MTMR1: variants seen among roughly 807,000 people sequenced by gnomAD.
MTMR1 encodes myotubularin related protein 1, also known as phosphatidylinositol-3-phosphate phosphatase MTMR1.
A neutral mutation model predicts 51.6 loss-of-function variants in MTMR1; 17 were observed. The observed-to-expected ratio is 0.33, with a 90% CI of 0.23 to 0.49. The LOEUF is 0.49. Ranked by LOEUF, MTMR1 falls within the 20% of genes least tolerant of loss-of-function variation. MTMR1 has a pLI of 0.99. For missense variants in MTMR1, 386 were observed against 526.9 expected (o/e 0.73, Z 2.62); for synonymous variants, 201 against 205.6 (o/e 0.98, Z 0.19).
chrX:150,701,391 C>A (rs2040901456), intron 2 of MTMR1, among the ~76,000 whole-genome samples: 1 of 112,009 alleles, frequency 8.9e-6, no homozygotes, highest in Admixed American at 9.5e-5. Flanking sequence ...ATTTAAGTTG[C>A]AGTCATCAGC....
chrX:150,719,809 C>T (rs1569565673), intron 4 of MTMR1, among the ~76,000 whole-genome samples: 1 of 111,779 alleles, frequency 8.9e-6, no homozygotes. Context: ...TTTGAATGAG[C>T]AGGGAGCGTT....
intron 2 of MTMR1, among the ~76,000 whole-genome samples, chrX:150,699,957 C>G (rs2040854839): frequency 8.9e-6 from 1 of 112,264 alleles, no homozygotes; most frequent in Non-Finnish European, 1.9e-5. Context: ...ATCGCTTGTT[C>G]CATCTTTGTT....
chrX:150,697,867 G>T (rs1242362366), intron 1 of MTMR1, among the ~76,000 whole-genome samples: 1 of 111,792 alleles, frequency 8.9e-6, no homozygotes, highest in East Asian at 2.8e-4. Flanking sequence ...TGAGTCAGTC[G>T]CTATTGGTTG....
intron 13 of MTMR1, among the ~76,000 whole-genome samples, chrX:150,750,042 T>C (rs781951749): frequency 4.0e-4 from 44 of 110,115 alleles, no homozygotes; most frequent in Non-Finnish European, 7.4e-4. Context: ...ACTTGAACCC[T>C]GGTGGTGGAG....
At chrX:150,762,008 A>AC (rs1205077875) in intron 15 of MTMR1, among the ~76,000 whole-genome samples, 2 of 111,200 alleles carry the variant, frequency 1.8e-5, no homozygotes, top group Non-Finnish European at 3.8e-5. Flanking sequence ...GAGGCTCCCC[A>AC]CCCCCCTGCC....
At chrX:150,751,875 T>A (rs886144239) in intron 14 of MTMR1, among the ~76,000 whole-genome samples, 1 of 107,828 alleles carries the variant, frequency 9.3e-6, no homozygotes, top group African/African-American at 3.4e-5. Context: ...TGGTGAATGC[T>A]GCTGGCCTTG....
chrX:150,694,066 A>G (rs1348062683), intron 1 of MTMR1, among the ~76,000 whole-genome samples: 1 of 111,503 alleles, frequency 9.0e-6, no homozygotes, highest in Non-Finnish European at 1.9e-5. Flanking sequence ...CTCCTCTTCT[A>G]GCATCACCTT....
In MTMR1 at chrX:150,764,229, CGT is replaced by C. The variant is rs1569565792; in HGVS notation, c.*1501_*1502del. On this transcript the variant is annotated 3_prime_UTR_variant, in exon 16 of 16. Coordinates refer to ENST00000445323, the MANE Select transcript of MTMR1 (RefSeq NM_001306144.3). ...TTTGAAAATATGTTAAGGGTTTTTTCGTAGAGAGAGAAAGAATGGATTTTTTT... is the reference window on the plus strand; with the variant it reads ...TTTGAAAATATGTTAAGGGTTTTTTCAGAGAGAGAAAGAATGGATTTTTTT... 2 of 112,228 alleles carry C rather than the reference CGT, an allele frequency of 1.8e-5. No homozygotes were observed. Among genetic ancestry groups the C allele is most frequent in the African/African-American group, 6.5e-5 (2 of 30,882 alleles). 9.2% of individuals were successfully genotyped at this position (112,228 alleles called of 1,213,427 possible).
At chrX:150,698,726 A>ACACACACACACAC (rs1557415823) in intron 1 of MTMR1, among the ~76,000 whole-genome samples, 1 of 106,524 alleles carries the variant, frequency 9.4e-6, no homozygotes, top group Non-Finnish European at 1.9e-5. Context: ...ACACACACAC[A>ACACACACACACAC]AAAGCCGGGC....
At chrX:150,716,185 A>G (rs1280980763) in intron 3 of MTMR1, among the ~76,000 whole-genome samples, 1 of 112,798 alleles carries the variant, frequency 8.9e-6, no homozygotes, top group East Asian at 2.8e-4. Flanking sequence ...ATAATACATG[A>G]TAATATTTAG....
At chrX:150,699,627 C>A (rs1557415864) in intron 2 of MTMR1, among the ~76,000 whole-genome samples, 1 of 112,295 alleles carries the variant, frequency 8.9e-6, no homozygotes, top group East Asian at 2.8e-4. Flanking sequence ...TCTTGATGTA[C>A]AATACTTCCC....
chrX:150,709,320 C>T lies in MTMR1; in HGVS notation c.253-3022C>T, dbSNP rs978318233. Among the ~76,000 whole-genome samples, 19 of 112,095 alleles carry T rather than the reference C, an allele frequency of 1.7e-4. No individual in the cohort carries two copies. The Admixed American group carries it at 1.8e-3, about 11-fold the overall frequency. On this transcript the variant is annotated intron_variant, in intron 2 of 15. Coordinates refer to ENST00000445323, the MANE Select transcript of MTMR1 (RefSeq NM_001306144.3). ...TCAACTTAGAGACTTTTGGGTAAGC[C>T]TCCATTGACCTTCTCCCCTCCACCC...
intron 13 of MTMR1, among the ~76,000 whole-genome samples, chrX:150,745,034 C>T (rs1328575533): frequency 1.8e-5 from 2 of 112,807 alleles, no homozygotes; most frequent in Non-Finnish European, 3.7e-5. Flanking sequence ...TAGGGATCCC[C>T]TTCCCTTGAG....
At chrX:150,753,611 C>T (rs1316591948) in intron 14 of MTMR1, among the ~76,000 whole-genome samples, 1 of 112,601 alleles carries the variant, frequency 8.9e-6, no homozygotes, top group African/African-American at 3.2e-5. Flanking sequence ...ATTTGCATAT[C>T]TTCTGTGGAG....
At chrX:150,722,843 CT>C (rs1313040120) in intron 4 of MTMR1, among the ~76,000 whole-genome samples, 1 of 108,725 alleles carries the variant, frequency 9.2e-6, no homozygotes, top group East Asian at 2.8e-4. Flanking sequence ...TTGTTTTAAA[CT>C]TTTTTTATTT....
chrX:150,718,322 T>C (rs782204105), intron 3 of MTMR1, among the ~76,000 whole-genome samples: 6 of 112,386 alleles, frequency 5.3e-5, no homozygotes, highest in Non-Finnish European at 9.4e-5. Flanking sequence ...CACCTTTTAA[T>C]AGCTATCTGT....
chrX:150,762,464 T>C (rs781920524), intron 15 of MTMR1, 101 bp from the exon 16 acceptor site: 1 of 1,065,404 alleles, frequency 9.4e-7, no homozygotes, highest in East Asian at 3.1e-5. Context: ...GCTCCAGGAG[T>C]CTGGATGGTG....
rs188318370 is a variant in MTMR1, at chrX:150,760,213, G to T, written c.1858-2352G>T. On this transcript the variant is annotated intron_variant, in intron 15 of 15. Transcript: ENST00000445323. ...ACCTCCTAGGTGTGGGAATGGGGGT[G>T]GGGGAGTGCATTGAAGACAGGCAGA... 5.6e-5 allele frequency among the ~76,000 whole-genome samples: 6 copies of T among 108,003 alleles called. No individual in the cohort carries two copies. In the Admixed American group the frequency reaches 5.9e-4, roughly 11 times the overall value. 93.8% of individuals were successfully genotyped at this position (108,003 alleles called of 115,157 possible).
chrX:150,697,444 AT>A (rs1359621566), intron 1 of MTMR1, among the ~76,000 whole-genome samples: 42 of 108,727 alleles, frequency 3.9e-4, no homozygotes, highest in Middle Eastern at 4.8e-3. Context: ...TAGTGATATG[AT>A]TTTTTTTTTA....
Sources: gnomAD v4.1 joint callset for allele counts (sites outside exome capture counted in the v4.1 genomes callset) on GRCh38, gnomAD v4.1.1 for gene constraint, MANE v1.5 for transcripts, NCBI Gene and HGNC (gene_info 2026-07-23, HGNC 2026-07-21) for gene names.